Variants in POU6F2 observed in about 807,000 individuals in gnomAD.
POU6F2 encodes the protein POU class 6 homeobox 2.
A neutral mutation model predicts 71.3 loss-of-function variants in POU6F2; 31 were observed. The observed-to-expected ratio is 0.43, with a 90% confidence interval of 0.33 to 0.59. The LOEUF (loss-of-function observed/expected upper bound fraction) is 0.59. Among genes scored for constraint, POU6F2 ranks in the 20% least tolerant of loss-of-function variants. POU6F2 has a pLI of 0.04. For synonymous variants in POU6F2, 347 were observed against 355.7 expected, an observed-to-expected ratio of 0.98 and a Z score of 0.27; for missense variants, 783 against 856.8, an observed-to-expected ratio of 0.91 and a Z score of 1.07.
intron 1 of POU6F2, among the ~76,000 whole-genome samples, chr7:39,026,598 TG>T (rs1331772410): frequency 6.6e-6 from 1 of 151,816 alleles, no homozygotes; most frequent in Non-Finnish European, 1.5e-5. Context: ...TGGGGACTGT[TG>T]TGGGGTGGGA....
intron 4 of POU6F2, among the ~76,000 whole-genome samples, chr7:39,243,451 C>A (rs1783762104): frequency 6.6e-6 from 1 of 152,070 alleles, no homozygotes; most frequent in Admixed American, 6.6e-5. Flanking sequence ...GAAGACCCAG[C>A]CTCATTGCTT....
rs371358636 is a variant in POU6F2, at chr7:39,281,372, A to G, written c.599-58270A>G. 5.9e-5 allele frequency among the ~76,000 whole-genome samples: 9 copies of G among 152,182 alleles called. No homozygotes were observed. The East Asian group carries it at 1.7e-3, about 29-fold the overall frequency. The stretch of plus-strand genomic sequence containing the variant: ...CAATATTGTTAAACACAGTTACCCT[A>G]CTGTGCAATAGAATATCAGGACTTA... On this transcript the variant is annotated intron_variant, in intron 4 of 9. Transcript: ENST00000518318.
chr7:39,024,703 T>G (rs919395120), intron 1 of POU6F2, among the ~76,000 whole-genome samples: 4 of 152,100 alleles, frequency 2.6e-5, no homozygotes, highest in Non-Finnish European at 5.9e-5. Context: ...TTATTGAGAG[T>G]TTTTAGCACC....
intron 1 of POU6F2, among the ~76,000 whole-genome samples, chr7:39,023,869 T>A (rs1230765525): frequency 1.3e-5 from 2 of 152,000 alleles, no homozygotes; most frequent in Non-Finnish European, 2.9e-5. Context: ...AAAGGCCCAA[T>A]GGTTGGTGAA....
intron 2 of POU6F2, among the ~76,000 whole-genome samples, chr7:39,150,306 C>T (rs2128734056): frequency 6.7e-6 from 1 of 149,944 alleles, no homozygotes; most frequent in African/African-American, 2.5e-5. Flanking sequence ...ACTAATGCTG[C>T]AATGAACATA....
chr7:39,184,238 T>G (rs1793489637), intron 2 of POU6F2, among the ~76,000 whole-genome samples: 1 of 152,232 alleles, frequency 6.6e-6, no homozygotes, highest in Non-Finnish European at 1.5e-5. Context: ...TTTTCTCTAT[T>G]TTGGTTATCT....
chr7:39,339,752 G>T lies in POU6F2; in HGVS notation c.709G>T (p.Ala237Ser), dbSNP rs1487449293. 1 of 1,597,102 alleles carries T rather than the reference G, an allele frequency of 6.3e-7. No individual in the cohort carries two copies. The highest frequency in any genetic ancestry group is 8.5e-7 in the Non-Finnish European group (1 of 1,172,218). Residue 237 changes from alanine to serine, a missense_variant, in exon 5 of 10, where the codon GCC becomes TCC. This residue lies in a region of POU6F2 where 572 missense variants were observed against 572.9 expected (regional missense o/e 1.00). Coordinates refer to ENST00000518318, the MANE Select transcript of POU6F2 (RefSeq NM_001370959.1). ...PPSTNQHPQP[A>S]PQAPSQSQQQ... is the part of the protein sequence containing the mutation. ...GTCAACCAACCAGCACCCGCAACCA[G>T]CCCCACAGGCGCCCTCGCAGTCCCA...
At chr7:39,106,292 T>C (rs1379625467) in intron 2 of POU6F2, among the ~76,000 whole-genome samples, 2 of 152,216 alleles carry the variant, frequency 1.3e-5, no homozygotes, top group East Asian at 3.9e-4. Context: ...CCATTGTTGC[T>C]CTCTACTACT....
rs199804949 is a variant in POU6F2, at chr7:39,098,468, G to GC, written c.277+12437_277+12438insC. On this transcript the variant is annotated intron_variant, in intron 2 of 9. Transcript: ENST00000518318. ...TTTTTTTTTTTAATTTGCAAGAGAG[G>GC]GGGGGTCTCACTTTGTTGCTTAGGC... 1.1e-3 allele frequency among the ~76,000 whole-genome samples: 174 copies of GC among 151,674 alleles called. 1 individual carries two copies. The highest frequency in any genetic ancestry group is 3.8e-3 in the African/African-American group (159 of 41,340).
At chr7:39,302,550 C>T (rs1784968583) in intron 4 of POU6F2, among the ~76,000 whole-genome samples, 1 of 152,216 alleles carries the variant, frequency 6.6e-6, no homozygotes, top group African/African-American at 2.4e-5. Flanking sequence ...ACTATGAGAT[C>T]CTTGAAGATA....
intron 7 of POU6F2, among the ~76,000 whole-genome samples, chr7:39,435,079 T>C (rs1788206573): frequency 6.6e-6 from 1 of 152,228 alleles, no homozygotes; most frequent in African/African-American, 2.4e-5. Flanking sequence ...TTATAAATAG[T>C]GCTGCAATAA....
At chr7:39,139,764 C>T (rs1792458537) in intron 2 of POU6F2, among the ~76,000 whole-genome samples, 1 of 152,128 alleles carries the variant, frequency 6.6e-6, no homozygotes, top group Non-Finnish European at 1.5e-5. Flanking sequence ...ACAGTGTGGA[C>T]ATGAGGGATG....
chr7:39,454,681 T>G (rs1174622285), intron 8 of POU6F2, among the ~76,000 whole-genome samples: 1,044 of 10,854 alleles, frequency 0.096, 113 homozygotes, highest in East Asian at 0.16. Context: ...TATATATATA[T>G]ATATATATAT....
intron 2 of POU6F2, among the ~76,000 whole-genome samples, chr7:39,195,016 C>T (rs1198467163): frequency 1.3e-4 from 20 of 152,106 alleles, no homozygotes; most frequent in Admixed American, 3.9e-4. Context: ...CACGAGGGTC[C>T]GCGGTTTCAT....
intron 1 of POU6F2, among the ~76,000 whole-genome samples, chr7:39,072,149 T>C (rs1349369331): frequency 1.3e-5 from 2 of 152,122 alleles, no homozygotes; most frequent in Non-Finnish European, 2.9e-5. Context: ...ATTTGTGTTG[T>C]GGGGAAACAG....
intron 2 of POU6F2, among the ~76,000 whole-genome samples, chr7:39,152,436 C>T (rs1370032264): frequency 6.6e-6 from 1 of 152,166 alleles, no homozygotes; most frequent in Non-Finnish European, 1.5e-5. Context: ...AAGTTCTCTA[C>T]CCGATCCAAA....
At chr7:39,417,196 T>G (rs923986839) in intron 6 of POU6F2, among the ~76,000 whole-genome samples, 9 of 152,186 alleles carry the variant, frequency 5.9e-5, no homozygotes, top group Non-Finnish European at 8.8e-5. Context: ...ACATTAAACT[T>G]TCAAATAAAC....
intron 1 of POU6F2, among the ~76,000 whole-genome samples, chr7:39,036,486 C>A (rs965917025): frequency 1.3e-5 from 2 of 151,894 alleles, no homozygotes; most frequent in Non-Finnish European, 2.9e-5. Context: ...ATACTAAATA[C>A]AAAATTTAAC....
Position 39,246,905 on chromosome 7 carries a change from C to CTTTTTTTTTTTTTTTTTTTTTT in POU6F2, c.598+39287_598+39308dup, listed in dbSNP as rs398004470. On this transcript the variant is annotated intron_variant, in intron 4 of 9. Transcript: ENST00000518318. ...CCAGCTCACCCCAAATCCAGGGTGG[C>CTTTTTTTTTTTTTTTTTTTTTT]TTTTTTTTTTTTTTTTTTTTTTTGC... Among the ~76,000 whole-genome samples, 30 of 78,156 alleles carry CTTTTTTTTTTTTTTTTTTTTTT rather than the reference C, an allele frequency of 3.8e-4. 4 individuals carry two copies. The highest frequency in any genetic ancestry group is 1.3e-3 in the African/African-American group (22 of 17,084). The allele number at this position is 78,156 out of a possible 152,430, so 51.3% of individuals were successfully genotyped here.
Sources: allele counts gnomAD v4.1 joint callset (sites outside exome capture counted in the v4.1 genomes callset), GRCh38; gene constraint gnomAD v4.1.1; regional missense constraint gnomAD v4.1.1; transcripts MANE v1.5; gene names NCBI Gene and HGNC (gene_info 2026-07-23, HGNC 2026-07-21).